The following SERPINB12 variants were observed in gnomAD, a reference collection of about 807,000 sequenced individuals.
The protein encoded by SERPINB12 is serpin family B member 12.
SERPINB12 carries 57 observed loss-of-function variants against 41.1 expected under a neutral mutation model. That is an observed-to-expected ratio of 1.39 (90% CI 1.12 to 1.73). The LOEUF is 1.73. SERPINB12 is among the 40% of genes most tolerant of loss of function. The pLI, the probability that SERPINB12 is intolerant of heterozygous loss-of-function variation, is 0.00. For synonymous variants in SERPINB12, 180 were observed against 181.3 expected, an observed-to-expected ratio of 0.99 and a Z score of 0.06; for missense variants, 536 against 501.9, an observed-to-expected ratio of 1.07 and a Z score of -0.65.
the SERPINB12 span, among the ~76,000 whole-genome samples, chr18:63,522,105 T>A: frequency 6.6e-6 from 1 of 152,192 alleles, no homozygotes; most frequent in Non-Finnish European, 1.5e-5. Flanking sequence ...ATAAGTTTAG[T>A]TTTTATCAAA....
In SERPINB12 at chr18:63,567,426, G is replaced by C. The variant is rs997858338; in HGVS notation, c.*415G>C. Among the ~76,000 whole-genome samples, 2 of 151,996 alleles carry C rather than the reference G, an allele frequency of 1.3e-5. No individual in the cohort carries two copies. The highest frequency in any genetic ancestry group is 4.8e-5 in the African/African-American group (2 of 41,400). On this transcript the variant is annotated 3_prime_UTR_variant, in exon 8 of 8. Coordinates refer to ENST00000382768, the MANE Select transcript of SERPINB12 (RefSeq NM_001307928.2). Reference sequence around the variant, plus strand: ...GTTTGGAAACTCAGCTCTGTTTCTGGGGTAGTTTGACCGGAACGTGTTTGG... The same window carrying C: ...GTTTGGAAACTCAGCTCTGTTTCTGCGGTAGTTTGACCGGAACGTGTTTGG...
rs2144354087 is a variant in SERPINB12, at chr18:63,565,513, GAAGGCACAGATCCTGGA to G, written c.777_793del (p.Lys259AsnfsTer19). On this transcript the variant is annotated frameshift_variant, in exon 7 of 8. Coordinates refer to ENST00000382768, the MANE Select transcript of SERPINB12 (RefSeq NM_001307928.2). LOFTEE classifies it high-confidence loss of function. ...ACAGAATTGGCTTCATAGAGGAGGT[GAAGGCACAGATCCTGGA>G]AATGAGGTACACCAAGGGGAAGCTC... 3 of 1,614,112 alleles carry G rather than the reference GAAGGCACAGATCCTGGA, an allele frequency of 1.9e-6. No homozygotes were observed. The East Asian group carries it at 6.7e-5, about 36-fold the overall frequency.
At chr18:63,536,675 A>G in the SERPINB12 span, among the ~76,000 whole-genome samples, 1 of 152,154 alleles carries the variant, frequency 6.6e-6, no homozygotes, top group Non-Finnish European at 1.5e-5. Context: ...GGACAGAACG[A>G]TGATCTCCAT....
chr18:63,524,513 C>G, the SERPINB12 span, among the ~76,000 whole-genome samples: 7 of 152,138 alleles, frequency 4.6e-5, no homozygotes, highest in Non-Finnish European at 1.0e-4. Context: ...TGATCTTGAA[C>G]TCCTGACCTC....
the SERPINB12 span, among the ~76,000 whole-genome samples, chr18:63,521,268 G>T: frequency 1.4e-4 from 21 of 152,254 alleles, no homozygotes; most frequent in African/African-American, 5.1e-4. Context: ...ATTTGATTCT[G>T]ACAACGTTCA....
the SERPINB12 span, among the ~76,000 whole-genome samples, chr18:63,528,425 A>AATAAATCC: frequency 6.7e-6 from 1 of 150,026 alleles, no homozygotes; most frequent in Non-Finnish European, 1.5e-5. Flanking sequence ...TAAATAAATA[A>AATAAATCC]ATCCTATAAA....
chr18:63,560,845 C>T (rs1048028514), intron 4 of SERPINB12, among the ~76,000 whole-genome samples: 6 of 152,064 alleles, frequency 3.9e-5, no homozygotes, highest in African/African-American at 9.7e-5. Context: ...AGGCTTGTCC[C>T]GTTGTAACTA....
the SERPINB12 span, among the ~76,000 whole-genome samples, chr18:63,536,272 C>G: frequency 6.6e-6 from 1 of 151,494 alleles, no homozygotes. Flanking sequence ...ATTTAAATGT[C>G]AAATGACAAA....
In SERPINB12 at chr18:63,568,812, T is replaced by C. The variant is rs1458892204; in HGVS notation, c.*1801T>C. Reference sequence around the variant, plus strand: ...TTCTCACCTACCCCAGTGATTTCTTTGTGCTCTGAGAGACAAGTTCCATGT... The same window carrying C: ...TTCTCACCTACCCCAGTGATTTCTTCGTGCTCTGAGAGACAAGTTCCATGT... On this transcript the variant is annotated 3_prime_UTR_variant, in exon 8 of 8. Coordinates refer to ENST00000382768, the MANE Select transcript of SERPINB12 (RefSeq NM_001307928.2). Among the ~76,000 whole-genome samples, 3 of 152,210 alleles carry C rather than the reference T, an allele frequency of 2.0e-5. No individual in the cohort carries two copies. Among genetic ancestry groups the C allele is most frequent in the African/African-American group, 7.2e-5 (3 of 41,456 alleles).
chr18:63,540,367 G>A (rs946595508), upstream of SERPINB12, among the ~76,000 whole-genome samples: 4 of 152,120 alleles, frequency 2.6e-5, no homozygotes, highest in South Asian at 4.1e-4. Context: ...AAATGTTCAT[G>A]CATTTTTATC....
chr18:63,568,710 C>T lies in SERPINB12; in HGVS notation c.*1699C>T, dbSNP rs559989282. The stretch of plus-strand genomic sequence containing the variant: ...TGTCCTCCTCCCAGCTGCCACCAGT[C>T]GTTCAGTGTGGCCACGCAGTTTTTT... On this transcript the variant is annotated 3_prime_UTR_variant, in exon 8 of 8. Coordinates refer to ENST00000382768, the MANE Select transcript of SERPINB12 (RefSeq NM_001307928.2). Among the ~76,000 whole-genome samples, 4 of 152,292 alleles carry T rather than the reference C, an allele frequency of 2.6e-5. No homozygotes were observed. The highest frequency in any genetic ancestry group is 4.8e-5 in the African/African-American group (2 of 41,554).
At chr18:63,537,419 T>C (rs1445556718), upstream of SERPINB12, among the ~76,000 whole-genome samples, 2 of 152,202 alleles carry the variant, frequency 1.3e-5, no homozygotes, top group African/African-American at 4.8e-5. Context: ...TATTCAGGTG[T>C]GGCCAGAGGA....
At chr18:63,552,462 AG>A (rs1403820607) in intron 1 of SERPINB12, among the ~76,000 whole-genome samples, 4 of 152,252 alleles carry the variant, frequency 2.6e-5, no homozygotes, top group Admixed American at 2.6e-4. Context: ...AATGTTAAAA[AG>A]CTTTAAAGTA....
At chr18:63,540,150 GATTGTGCAA>G (rs2144542451), upstream of SERPINB12, among the ~76,000 whole-genome samples, 1 of 152,298 alleles carries the variant, frequency 6.6e-6, no homozygotes, top group South Asian at 2.1e-4. Flanking sequence ...TCACTTGTCT[GATTGTGCAA>G]ATGAGTGATT....
the SERPINB12 span, among the ~76,000 whole-genome samples, chr18:63,530,431 C>T: frequency 6.6e-6 from 1 of 152,112 alleles, no homozygotes; most frequent in East Asian, 1.9e-4. Context: ...GACCCACCTT[C>T]CCCCCAAACT....
In SERPINB12 at chr18:63,567,022, G is replaced by A. The variant is rs1167928133; in HGVS notation, c.*11G>A. On this transcript the variant is annotated 3_prime_UTR_variant, in exon 8 of 8. Transcript: ENST00000382768. Reference sequence around the variant, plus strand: ...GTCTGCTCTCCTTAAAAGGGGAGCAGTGTCTAGTACTTTGGAGCTGGAGGA... The same window carrying A: ...GTCTGCTCTCCTTAAAAGGGGAGCAATGTCTAGTACTTTGGAGCTGGAGGA... 24 of 1,559,010 alleles carry A rather than the reference G, an allele frequency of 1.5e-5. No homozygotes were observed. Among genetic ancestry groups the A allele is most frequent in the Non-Finnish European group, 2.0e-5 (23 of 1,157,468 alleles).
Position 63,559,649 on chromosome 18 carries a change from G to T in SERPINB12, c.375G>T (p.Arg125Ser). 1 of 1,614,124 alleles carries T rather than the reference G, an allele frequency of 6.2e-7. No individual in the cohort carries two copies. Among genetic ancestry groups the T allele is most frequent in the South Asian group, 1.1e-5 (1 of 91,060 alleles). ...GGCAGCTTCTCTCCAAATTAGACAG[G>T]ATCAAGACTGATTACACACTGAGTA... ...YFGQLLSKLD[R>S]IKTDYTLSIA... The change falls in exon 4 of 8, where the codon AGG (arginine) becomes AGT (serine). Residue 125 changes from arginine (R) to serine (S), a missense_variant. By Grantham distance (110) the Arg-to-Ser change is moderately radical. Coordinates refer to ENST00000382768, the MANE Select transcript of SERPINB12 (RefSeq NM_001307928.2).
chr18:63,565,358 G>A, intron 6 of SERPINB12, 87 bp from the exon 7 acceptor site: 1 of 1,257,694 alleles, frequency 8.0e-7, no homozygotes, highest in Non-Finnish European at 1.1e-6. Context: ...TCATCTTTAG[G>A]AACCCCTGTC....
At chr18:63,564,221 C>T (rs1025159807) in intron 6 of SERPINB12, 101 bp downstream of exon 6, 11 of 1,262,486 alleles carry the variant, frequency 8.7e-6, no homozygotes, top group African/African-American at 1.5e-5. Context: ...CTTACATTTA[C>T]AATAAGAACA....
Sources: allele counts gnomAD v4.1 joint callset (sites outside exome capture counted in the v4.1 genomes callset), GRCh38; gene constraint gnomAD v4.1.1; transcripts MANE v1.5; gene names NCBI Gene and HGNC (gene_info 2026-07-23, HGNC 2026-07-21).